CHRM3: variants seen among roughly 807,000 people sequenced by gnomAD.
CHRM3 encodes the protein muscarinic acetylcholine receptor M3.
A neutral mutation model predicts 41.8 loss-of-function variants in CHRM3; 11 were observed. The ratio of observed to expected loss-of-function variants is 0.26; its 90% CI spans 0.17 to 0.44. The LOEUF (loss-of-function observed/expected upper bound fraction) is 0.44, where lower values mean the gene tolerates loss of function less well. Among genes scored for constraint, CHRM3 ranks in the 20% least tolerant of loss-of-function variants. The pLI is 1.00. For missense variants in CHRM3, 571 were observed against 745.4 expected (o/e 0.77, Z 2.72); for synonymous variants, 297 against 301.4 (o/e 0.99, Z 0.15).
intron 6 of CHRM3, among the ~76,000 whole-genome samples, chr1:239,901,898 G>A (rs1479431674): frequency 3.3e-5 from 5 of 152,154 alleles, no homozygotes; most frequent in Non-Finnish European, 7.3e-5. Flanking sequence ...AGTTCATGGT[G>A]TACATGCCTT....
At chr1:239,420,583 T>A (rs950417746) in intron 1 of CHRM3, among the ~76,000 whole-genome samples, 6 of 152,184 alleles carry the variant, frequency 3.9e-5, no homozygotes, top group Admixed American at 1.3e-4. Flanking sequence ...CCTAAATATG[T>A]ATTTCATAAT....
intron 6 of CHRM3, among the ~76,000 whole-genome samples, chr1:239,838,959 T>C (rs1367639511): frequency 6.6e-6 from 1 of 152,214 alleles, no homozygotes; most frequent in Non-Finnish European, 1.5e-5. Context: ...AAGCATCATA[T>C]CATCTAGAAA....
intron 1 of CHRM3, among the ~76,000 whole-genome samples, chr1:239,464,318 GC>G (rs1665573619): frequency 6.7e-6 from 1 of 149,474 alleles, no homozygotes. Context: ...TCACCTGTCT[GC>G]CCTTACAAAT....
intron 3 of CHRM3, among the ~76,000 whole-genome samples, chr1:239,546,954 A>C (rs1659357933): frequency 6.6e-6 from 1 of 152,206 alleles, no homozygotes; most frequent in South Asian, 2.1e-4. Flanking sequence ...GCTTGTTTAA[A>C]ATGAACAACT....
intron 5 of CHRM3, among the ~76,000 whole-genome samples, chr1:239,821,198 G>A (rs1400118839): frequency 6.6e-6 from 1 of 152,176 alleles, no homozygotes; most frequent in Non-Finnish European, 1.5e-5. Context: ...ACTCTATGGT[G>A]TTTCCAACAT....
At chr1:239,654,634 G>T (rs993178221) in intron 4 of CHRM3, among the ~76,000 whole-genome samples, 2 of 152,072 alleles carry the variant, frequency 1.3e-5, no homozygotes, top group Non-Finnish European at 2.9e-5. Context: ...CCTGACCTCA[G>T]GTAATCCGCC....
chr1:239,886,227 A>C (rs1678055588), intron 6 of CHRM3: 2 of 152,192 alleles, frequency 1.3e-5, no homozygotes, highest in Admixed American at 1.3e-4. Context: ...AACAGAGGAA[A>C]GTATTGGGCT....
At chr1:239,807,434 C>T (rs2148958217) in intron 5 of CHRM3, among the ~76,000 whole-genome samples, 1 of 152,270 alleles carries the variant, frequency 6.6e-6, no homozygotes, top group South Asian at 2.1e-4. Flanking sequence ...ACTTATCCTT[C>T]TCAATTGTGG....
chr1:239,604,436 C>T (rs938224926), intron 3 of CHRM3, among the ~76,000 whole-genome samples: 2 of 152,120 alleles, frequency 1.3e-5, no homozygotes, highest in African/African-American at 4.8e-5. Context: ...ACATTCTCAC[C>T]TCTTTTAGTT....
intron 3 of CHRM3, among the ~76,000 whole-genome samples, chr1:239,607,850 A>G (rs1377161225): frequency 1.3e-5 from 2 of 152,094 alleles, no homozygotes; most frequent in African/African-American, 4.8e-5. Flanking sequence ...CTTTGCTTCT[A>G]TTCACTTAAT....
At chr1:239,646,473 C>A (rs529907551) in intron 4 of CHRM3, among the ~76,000 whole-genome samples, 1 of 152,096 alleles carries the variant, frequency 6.6e-6, no homozygotes, top group Non-Finnish European at 1.5e-5. Context: ...GGCACATATA[C>A]GCACTGTTGG....
chr1:239,812,538 G>A (rs1210029470), intron 5 of CHRM3, among the ~76,000 whole-genome samples: 1 of 152,104 alleles, frequency 6.6e-6, no homozygotes, highest in Admixed American at 6.5e-5. Flanking sequence ...ATACAAAGTT[G>A]GATGGTTTAA....
chr1:239,662,215 T>C (rs912638597), intron 4 of CHRM3, among the ~76,000 whole-genome samples: 1 of 151,866 alleles, frequency 6.6e-6, no homozygotes, highest in Non-Finnish European at 1.5e-5. Flanking sequence ...CAAATACACT[T>C]CTTATTTCTC....
intron 5 of CHRM3, among the ~76,000 whole-genome samples, chr1:239,692,268 G>A (rs976322692): frequency 2.6e-5 from 4 of 152,128 alleles, no homozygotes; most frequent in African/African-American, 9.7e-5. Flanking sequence ...TTTTGATGGG[G>A]CAGAGTATCT....
At chr1:239,784,642 A>G (rs655725) in intron 5 of CHRM3, among the ~76,000 whole-genome samples, 82,865 of 152,106 alleles carry the variant, frequency 0.54, 23,578 homozygotes, top group African/African-American at 0.7. Flanking sequence ...AAAATGTTAT[A>G]TGTTAGATTA....
chr1:239,544,025 A>G (rs764108238), intron 2 of CHRM3, among the ~76,000 whole-genome samples: 10 of 152,224 alleles, frequency 6.6e-5, no homozygotes, highest in Non-Finnish European at 1.3e-4. Flanking sequence ...GTTTGTTCCA[A>G]ACATTTAAAA....
intron 2 of CHRM3, among the ~76,000 whole-genome samples, chr1:239,533,738 A>C (rs1314996601): frequency 6.8e-6 from 1 of 147,182 alleles, no homozygotes; most frequent in African/African-American, 2.5e-5. Context: ...TCTCAAAAAA[A>C]AAAAAAAAAA....
At chr1:239,716,508 A>G (rs1024331193) in intron 5 of CHRM3, among the ~76,000 whole-genome samples, 2 of 152,150 alleles carry the variant, frequency 1.3e-5, no homozygotes, top group African/African-American at 2.4e-5. Flanking sequence ...ACTTTAAGCC[A>G]TGTACCAAAG....
intron 5 of CHRM3, among the ~76,000 whole-genome samples, chr1:239,824,045 G>A (rs1421379938): frequency 1.3e-5 from 2 of 152,018 alleles, no homozygotes; most frequent in East Asian, 1.9e-4. Flanking sequence ...GAGCATGTGC[G>A]TGACCATCTG....
Sources: gnomAD v4.1 joint callset for allele counts (sites outside exome capture counted in the v4.1 genomes callset) on GRCh38, gnomAD v4.1.1 for gene constraint, MANE v1.5 for transcripts, NCBI Gene and HGNC (gene_info 2026-07-23, HGNC 2026-07-21) for gene names.